GRIA1: variants seen among roughly 807,000 people sequenced by gnomAD.
GRIA1 encodes the protein glutamate receptor 1.
GRIA1 carries 31 observed loss-of-function variants against 99.2 expected under a neutral mutation model. The observed-to-expected ratio is 0.31, with a 90% CI of 0.23 to 0.42. GRIA1 has a LOEUF of 0.42. Among genes scored for constraint, GRIA1 ranks in the 10% least tolerant of loss-of-function variants. The pLI, the probability that GRIA1 is intolerant of heterozygous loss-of-function variation, is 1.00. For synonymous variants in GRIA1, 438 were observed against 432.4 expected (o/e 1.01, Z -0.16); for missense variants, 782 against 1,157.5 (o/e 0.68, Z 4.71).
chr5:153,519,413 A>G (rs1756935379), intron 2 of GRIA1, among the ~76,000 whole-genome samples: 1 of 151,704 alleles, frequency 6.6e-6, no homozygotes, highest in South Asian at 2.1e-4. Context: ...ACCACTACCT[A>G]TTGAATGACT....
intron 11 of GRIA1, among the ~76,000 whole-genome samples, chr5:153,745,015 A>G (rs1218223775): frequency 6.6e-6 from 1 of 152,200 alleles, no homozygotes; most frequent in Non-Finnish European, 1.5e-5. Context: ...CGGAGGCAAT[A>G]CTTGACTTAG....
At chr5:153,530,068 G>A (rs1442548424) in intron 2 of GRIA1, among the ~76,000 whole-genome samples, 1 of 152,154 alleles carries the variant, frequency 6.6e-6, no homozygotes, top group African/African-American at 2.4e-5. Flanking sequence ...AACTCTAACT[G>A]TGAGCACTTG....
At chr5:153,773,966 G>A (rs762804632) in intron 13 of GRIA1, among the ~76,000 whole-genome samples, 12 of 151,964 alleles carry the variant, frequency 7.9e-5, no homozygotes, top group Non-Finnish European at 1.2e-4. Context: ...GCATTAAAAG[G>A]GAACACTGCT....
At chr5:153,773,803 C>T (rs1000914708) in intron 13 of GRIA1, among the ~76,000 whole-genome samples, 4 of 152,120 alleles carry the variant, frequency 2.6e-5, no homozygotes, top group African/African-American at 9.7e-5. Flanking sequence ...TCCTACAGCG[C>T]TCCTTTCTCT....
intron 2 of GRIA1, among the ~76,000 whole-genome samples, chr5:153,622,688 T>G (rs1767171979): frequency 1.3e-5 from 2 of 152,186 alleles, no homozygotes; most frequent in South Asian, 4.1e-4. Context: ...TTATTGAATA[T>G]CATATCACTA....
chr5:153,662,450 C>G (rs917025398), intron 5 of GRIA1, among the ~76,000 whole-genome samples: 4 of 152,208 alleles, frequency 2.6e-5, no homozygotes, highest in African/African-American at 7.2e-5. Context: ...AGATGGCCAC[C>G]TACCCTGTCA....
chr5:153,665,227 G>A (rs1328333026), intron 5 of GRIA1, among the ~76,000 whole-genome samples: 1 of 152,122 alleles, frequency 6.6e-6, no homozygotes, highest in Non-Finnish European at 1.5e-5. Flanking sequence ...TAAATCCCAG[G>A]GCTAAGAGAA....
chr5:153,802,244 G>A, intron 14 of GRIA1, 112 bp from the exon 15 acceptor site: 2 of 811,340 alleles, frequency 2.5e-6, no homozygotes, highest in Non-Finnish European at 4.1e-6. Flanking sequence ...ATGTTAAAGA[G>A]GGTGTGGGGT....
intron 2 of GRIA1, among the ~76,000 whole-genome samples, chr5:153,576,279 A>G (rs1400046290): frequency 2.0e-5 from 3 of 152,236 alleles, no homozygotes; most frequent in Admixed American, 6.5e-5. Context: ...AGGAAAAAAC[A>G]TAAGTATCCT....
At chr5:153,581,282 T>G (rs1338768400) in intron 2 of GRIA1, among the ~76,000 whole-genome samples, 2 of 152,184 alleles carry the variant, frequency 1.3e-5, no homozygotes, top group African/African-American at 4.8e-5. Flanking sequence ...TCAGATCACC[T>G]CAGCCTACTG....
At chr5:153,694,330 A>G (rs774615090) in intron 8 of GRIA1, among the ~76,000 whole-genome samples, 48 of 152,232 alleles carry the variant, frequency 3.2e-4, no homozygotes, top group Non-Finnish European at 4.7e-4. Flanking sequence ...TAAACCACAT[A>G]CCCTGAACAT....
chr5:153,543,161 G>C (rs80112756), intron 2 of GRIA1, among the ~76,000 whole-genome samples: 12,334 of 152,266 alleles, frequency 0.081, 677 homozygotes, highest in Non-Finnish European at 0.12. Flanking sequence ...ATGTGATGGA[G>C]GTGGTGGTGA....
At chr5:153,741,396 T>G (rs1761776579) in intron 11 of GRIA1, among the ~76,000 whole-genome samples, 1 of 152,204 alleles carries the variant, frequency 6.6e-6, no homozygotes, top group Admixed American at 6.5e-5. Flanking sequence ...GCAATCCCAC[T>G]TCTAGGGGTA....
At chr5:153,637,415 C>T (rs1753442853) in intron 2 of GRIA1, among the ~76,000 whole-genome samples, 1 of 152,202 alleles carries the variant, frequency 6.6e-6, no homozygotes, top group South Asian at 2.1e-4. Context: ...ATCCATGACT[C>T]TATGACTGTT....
At chr5:153,691,685 A>G (rs947283368) in intron 8 of GRIA1, among the ~76,000 whole-genome samples, 2 of 152,198 alleles carry the variant, frequency 1.3e-5, no homozygotes, top group African/African-American at 2.4e-5. Context: ...GAATCATGTT[A>G]TAGCATCAGA....
At chr5:153,550,923 T>C (rs1581215786) in intron 2 of GRIA1, among the ~76,000 whole-genome samples, 2 of 152,310 alleles carry the variant, frequency 1.3e-5, no homozygotes, top group East Asian at 3.9e-4. Context: ...AGTTTTAGGG[T>C]ACATGTGCAC....
At chr5:153,564,939 T>A (rs574520884) in intron 2 of GRIA1, among the ~76,000 whole-genome samples, 35 of 152,320 alleles carry the variant, frequency 2.3e-4, no homozygotes, top group African/African-American at 8.4e-4. Context: ...GGTTCACCAG[T>A]ACTGCCAAAT....
chr5:153,688,372 C>T (rs1229653501), intron 8 of GRIA1, among the ~76,000 whole-genome samples: 1 of 152,108 alleles, frequency 6.6e-6, no homozygotes, highest in Non-Finnish European at 1.5e-5. Context: ...AGAAATAGTC[C>T]AAGTCTGAGT....
At chr5:153,493,841 G>A (rs1754157352) in intron 1 of GRIA1, 87 bp from the exon 2 acceptor site, 1 of 1,370,318 alleles carries the variant, frequency 7.3e-7, no homozygotes. Context: ...GGCATGGGGA[G>A]AAGAAAAGGA....
Sources: gnomAD v4.1 joint callset for allele counts (sites outside exome capture counted in the v4.1 genomes callset) on GRCh38, gnomAD v4.1.1 for gene constraint, MANE v1.5 for transcripts, NCBI Gene and HGNC (gene_info 2026-07-23, HGNC 2026-07-21) for gene names.